The following VPS13D variants were observed in gnomAD, a reference collection of about 807,000 sequenced individuals.
The protein encoded by VPS13D is intermembrane lipid transfer protein VPS13D.
Under a neutral mutation model 461.9 loss-of-function variants are expected in VPS13D, and 187 were observed. The observed-to-expected ratio is 0.40, with a 90% CI of 0.36 to 0.46. The LOEUF (loss-of-function observed/expected upper bound fraction) is 0.46, where lower values mean the gene tolerates loss of function less well. Among genes scored for constraint, VPS13D ranks in the 20% least tolerant of loss-of-function variants. VPS13D has a pLI of 0.60. For synonymous variants in VPS13D, 1,951 were observed against 1,986.3 expected (o/e 0.98, Z 0.47); for missense variants, 4,711 against 5,364.9 (o/e 0.88, Z 3.81).
chr1:12,457,833 A>C (rs1428822274), intron 66 of VPS13D, among the ~76,000 whole-genome samples: 1 of 152,220 alleles, frequency 6.6e-6, no homozygotes, highest in African/African-American at 2.4e-5. Context: ...ATTTGGCTGA[A>C]AGTAATTTGT....
intron 65 of VPS13D, among the ~76,000 whole-genome samples, chr1:12,455,607 A>G (rs550249600): frequency 1.5e-4 from 23 of 152,328 alleles, no homozygotes; most frequent in African/African-American, 5.5e-4. Context: ...TGCATTTAAA[A>G]TATTTAAATT....
chr1:12,413,552 G>A (rs1363563699), intron 63 of VPS13D, among the ~76,000 whole-genome samples: 1 of 152,158 alleles, frequency 6.6e-6, no homozygotes, highest in Non-Finnish European at 1.5e-5. Flanking sequence ...GCTTAGTGTG[G>A]CCTTGACCTT....
intron 67 of VPS13D, among the ~76,000 whole-genome samples, chr1:12,483,620 C>T (rs999415415): frequency 2.6e-5 from 4 of 152,132 alleles, no homozygotes; most frequent in South Asian, 2.1e-4. Context: ...TGGTGAATTC[C>T]GTTCCTGTAA....
intron 42 of VPS13D, among the ~76,000 whole-genome samples, chr1:12,343,865 C>T (rs1643621069): frequency 6.6e-6 from 1 of 152,164 alleles, no homozygotes; most frequent in Admixed American, 6.5e-5. Flanking sequence ...ATATGGTATT[C>T]TTAAAAGATT....
intron 24 of VPS13D, among the ~76,000 whole-genome samples, chr1:12,296,705 A>G (rs1642287343): frequency 6.6e-6 from 1 of 152,138 alleles, no homozygotes; most frequent in Non-Finnish European, 1.5e-5. Context: ...ATTCCTACAA[A>G]TGGTACTGTT....
At chr1:12,259,221 G>A (rs561657848) in intron 10 of VPS13D, among the ~76,000 whole-genome samples, 1 of 151,648 alleles carries the variant, frequency 6.6e-6, no homozygotes, top group African/African-American at 2.4e-5. Context: ...TAATTTTTAT[G>A]GAGATGAGTT....
intron 40 of VPS13D, among the ~76,000 whole-genome samples, chr1:12,340,617 G>A (rs756869717): frequency 8.5e-5 from 13 of 152,226 alleles, no homozygotes; most frequent in Non-Finnish European, 1.8e-4. Context: ...CCTGTAGGAT[G>A]AATTCAGTTT....
At chr1:12,236,430 G>T (rs1640149240) in intron 2 of VPS13D, among the ~76,000 whole-genome samples, 1 of 152,048 alleles carries the variant, frequency 6.6e-6, no homozygotes, top group Non-Finnish European at 1.5e-5. Context: ...ACCCAGGCTG[G>T]AGTGCAGTGG....
intron 63 of VPS13D, among the ~76,000 whole-genome samples, chr1:12,411,567 AAG>A (rs1368900544): frequency 2.0e-5 from 3 of 151,904 alleles, no homozygotes; most frequent in African/African-American, 7.3e-5. Flanking sequence ...GAGGGAGAGA[AAG>A]AAAACATTAA....
intron 66 of VPS13D, among the ~76,000 whole-genome samples, chr1:12,457,338 G>C (rs1161123469): frequency 6.6e-6 from 1 of 152,136 alleles, no homozygotes; most frequent in Non-Finnish European, 1.5e-5. Context: ...TACTCAGCCT[G>C]TAAGTCCCAA....
At chr1:12,268,249 C>CTTTTT (rs35267390) in intron 15 of VPS13D, among the ~76,000 whole-genome samples, 3 of 100,734 alleles carry the variant, frequency 3.0e-5, no homozygotes, top group Non-Finnish European at 4.1e-5. Context: ...CATGCCTGAG[C>CTTTTT]TTTTTTTTTT....
intron 55 of VPS13D, among the ~76,000 whole-genome samples, chr1:12,377,178 G>A (rs1013334757): frequency 6.6e-6 from 1 of 151,574 alleles, no homozygotes; most frequent in African/African-American, 2.4e-5. Context: ...TCCTGCCTCA[G>A]TTTCCCGAGT....
chr1:12,320,401 G>C (rs1643005029), intron 32 of VPS13D, among the ~76,000 whole-genome samples: 1 of 152,126 alleles, frequency 6.6e-6, no homozygotes, highest in South Asian at 2.1e-4. Context: ...ATATTTGGTC[G>C]GGGTTCCTTT....
At chr1:12,315,503 G>A (rs906018914) in intron 30 of VPS13D, among the ~76,000 whole-genome samples, 2 of 152,152 alleles carry the variant, frequency 1.3e-5, no homozygotes, top group Non-Finnish European at 2.9e-5. Context: ...CTTTAGCTAC[G>A]CTCAGTATAA....
intron 63 of VPS13D, among the ~76,000 whole-genome samples, chr1:12,411,409 G>T (rs979862033): frequency 6.6e-6 from 1 of 151,840 alleles, no homozygotes; most frequent in African/African-American, 2.4e-5. Flanking sequence ...TAGGTGGGAG[G>T]ATCACTTGAG....
intron 38 of VPS13D, among the ~76,000 whole-genome samples, chr1:12,333,632 C>G (rs979528573): frequency 6.6e-6 from 1 of 152,234 alleles, no homozygotes; most frequent in African/African-American, 2.4e-5. Flanking sequence ...ACTTTCTCCT[C>G]ATAATGCTTG....
At chr1:12,420,193 C>G (rs75689524) in intron 65 of VPS13D, among the ~76,000 whole-genome samples, 276 of 152,152 alleles carry the variant, frequency 1.8e-3, no homozygotes, top group African/African-American at 5.6e-3. Flanking sequence ...AGTTGAATAC[C>G]CATTCAGGTC....
chr1:12,326,311 A>T (rs1569912990), intron 35 of VPS13D, among the ~76,000 whole-genome samples: 2 of 128,824 alleles, frequency 1.6e-5, no homozygotes, highest in African/African-American at 2.9e-5. Context: ...AAGTTCTGAG[A>T]ACCTTTTGGA....
intron 24 of VPS13D, among the ~76,000 whole-genome samples, chr1:12,295,012 A>G (rs909536609): frequency 6.6e-6 from 1 of 152,124 alleles, no homozygotes; most frequent in Non-Finnish European, 1.5e-5. Flanking sequence ...ACTTGAGCTC[A>G]GGAATTCGTG....
Sources: gnomAD v4.1 joint callset for allele counts (sites outside exome capture counted in the v4.1 genomes callset) on GRCh38, gnomAD v4.1.1 for gene constraint, MANE v1.5 for transcripts, NCBI Gene and HGNC (gene_info 2026-07-23, HGNC 2026-07-21) for gene names.